RBFOX1: variants seen among roughly 807,000 people sequenced by gnomAD.
RBFOX1 encodes the protein RNA binding protein fox-1 homolog 1.
Under a neutral mutation model 57.7 loss-of-function variants are expected in RBFOX1, and 8 were observed. That is an observed-to-expected ratio of 0.14 (90% CI 0.08 to 0.25). The LOEUF (loss-of-function observed/expected upper bound fraction) is 0.25, where lower values mean the gene tolerates loss of function less well. Ranked by LOEUF, RBFOX1 falls within the 10% of genes least tolerant of loss-of-function variation. The pLI, the probability that RBFOX1 is intolerant of heterozygous loss-of-function variation, is 1.00. For synonymous variants in RBFOX1, 326 were observed against 222.4 expected, an observed-to-expected ratio of 1.47 and a Z score of -4.15; for missense variants, 611 against 548.5, an observed-to-expected ratio of 1.11 and a Z score of -1.14.
chr16:7,357,937 T>C (rs2097249952), intron 4 of RBFOX1, among the ~76,000 whole-genome samples: 1 of 152,192 alleles, frequency 6.6e-6, no homozygotes. Flanking sequence ...TGTTTTTTAC[T>C]TTTTACTGTC....
intron 1 of RBFOX1, among the ~76,000 whole-genome samples, chr16:6,142,486 G>A (rs60325114): frequency 0.034 from 5,139 of 152,052 alleles, 294 homozygotes; most frequent in African/African-American, 0.12. Flanking sequence ...CTCCCAAAGC[G>A]CTGGGATTAC....
intron 1 of RBFOX1, among the ~76,000 whole-genome samples, chr16:6,049,053 C>CTTTT (rs534794320): frequency 1.8e-5 from 2 of 112,850 alleles, no homozygotes; most frequent in African/African-American, 3.5e-5. Context: ...CTTCTAACAG[C>CTTTT]TTTTTTTTTT....
Position 5,302,487 on chromosome 16 carries a change from C to T in RBFOX1, c.219+62382C>T, listed in dbSNP as rs183708906. Among the ~76,000 whole-genome samples the T allele has an allele frequency of 3.8e-3, 580 of 152,140 alleles. 4 individuals carry two copies. The highest frequency in any genetic ancestry group is 0.013 in the African/African-American group (544 of 41,502). ...TTGTGTCATTCAAATTTAATATATG[C>T]CTACTAATTTTTTCTGGTTGCTTTA... is the stretch of plus-strand genomic sequence containing the variant. On this transcript the variant is annotated intron_variant, in intron 1 of 2. Coordinates refer to the RBFOX1 transcript ENST00000585867.
chr16:5,361,275 G>A (rs1036642011), intron 1 of RBFOX1, among the ~76,000 whole-genome samples: 7 of 152,198 alleles, frequency 4.6e-5, no homozygotes, highest in African/African-American at 1.7e-4. Flanking sequence ...GTAAACATGG[G>A]TATAGTTGCT....
chr16:5,770,288 T>G (rs2053934446), intron 3 of RBFOX1, among the ~76,000 whole-genome samples: 1 of 152,144 alleles, frequency 6.6e-6, no homozygotes, highest in Admixed American at 6.5e-5. Context: ...ACCAAGATGG[T>G]GATGAAAGTG....
At chr16:6,430,883 C>G (rs1336224421) in intron 2 of RBFOX1, among the ~76,000 whole-genome samples, 5 of 150,312 alleles carry the variant, frequency 3.3e-5, no homozygotes, top group Non-Finnish European at 7.4e-5. Context: ...GTCACCCCAG[C>G]ACTTTGGGAG....
chr16:5,963,561 C>G (rs2059791268), intron 4 of RBFOX1, among the ~76,000 whole-genome samples: 2 of 152,264 alleles, frequency 1.3e-5, no homozygotes, highest in South Asian at 4.1e-4. Flanking sequence ...TAAACAGACA[C>G]ATAGACCAGT....
rs180762059 is a variant in RBFOX1 at position 5,318,186 on chromosome 16, T to A, written c.219+78081T>A. Reference sequence around the variant, plus strand: ...CTGTGTCACCCAGGCTGGAGTGCAGTGACACGATCTCGGCTCACTGCAACC... The same window carrying A: ...CTGTGTCACCCAGGCTGGAGTGCAGAGACACGATCTCGGCTCACTGCAACC... On this transcript the variant is annotated intron_variant, in intron 1 of 2. Transcript: ENST00000585867. Among the ~76,000 whole-genome samples the A allele has an allele frequency of 1.3e-3, 195 of 152,304 alleles. 2 individuals are homozygous for A. The highest frequency in any genetic ancestry group is 2.7e-3 in the Admixed American group (41 of 15,300).
In RBFOX1 at chr16:7,185,022, T is replaced by C. The variant is rs564300105; in HGVS notation, c.27+132924T>C. 2.6e-5 allele frequency among the ~76,000 whole-genome samples: 4 copies of C among 152,262 alleles called. No individual in the cohort carries two copies. In the East Asian group the frequency reaches 7.7e-4, roughly 29 times the overall value. On this transcript the variant is annotated intron_variant, in intron 4 of 15. Coordinates refer to ENST00000550418, the MANE Select transcript of RBFOX1 (RefSeq NM_018723.4). Reference sequence around the variant, plus strand: ...TAGCCCCACTTTGCCAATAAGGAAATTGATCCTTAGATTAAATAACATACT... The same window carrying C: ...TAGCCCCACTTTGCCAATAAGGAAACTGATCCTTAGATTAAATAACATACT...
At chr16:5,973,619 A>T (rs952078875) in intron 4 of RBFOX1, among the ~76,000 whole-genome samples, 7 of 152,216 alleles carry the variant, frequency 4.6e-5, no homozygotes, top group Non-Finnish European at 8.8e-5. Context: ...GGGTGCCCAG[A>T]TATTTGGTCA....
At chr16:7,017,251 G>T (rs1397726997) in intron 3 of RBFOX1, among the ~76,000 whole-genome samples, 2 of 152,108 alleles carry the variant, frequency 1.3e-5, no homozygotes, top group South Asian at 4.2e-4. Flanking sequence ...GTGCAGCCTC[G>T]GCTGTGCTCT....
intron 8 of RBFOX1, 31 bp from the exon 9 acceptor site, chr16:7,597,340 A>G: frequency 6.5e-7 from 1 of 1,542,188 alleles, no homozygotes; most frequent in South Asian, 1.2e-5. Flanking sequence ...GCCCTAGAAT[A>G]TGTGCTTACT....
chr16:6,009,840 G>A (rs2094950914), intron 4 of RBFOX1, among the ~76,000 whole-genome samples: 1 of 151,972 alleles, frequency 6.6e-6, no homozygotes, highest in African/African-American at 2.4e-5. Context: ...GTGTGTATAG[G>A]GGGATTTGAA....
At chr16:7,241,876 A>G (rs1230789488) in intron 4 of RBFOX1, among the ~76,000 whole-genome samples, 2 of 152,118 alleles carry the variant, frequency 1.3e-5, no homozygotes, top group African/African-American at 4.8e-5. Context: ...ATGCATATAA[A>G]TATACTTATA....
intron 3 of RBFOX1, among the ~76,000 whole-genome samples, chr16:6,876,339 A>C (rs906077773): frequency 2.0e-5 from 3 of 152,296 alleles, no homozygotes; most frequent in South Asian, 4.1e-4. Context: ...CTTGTTGACT[A>C]TTCCACCATC....
chr16:5,724,846 A>G (rs1037250228), intron 3 of RBFOX1, among the ~76,000 whole-genome samples: 3 of 152,168 alleles, frequency 2.0e-5, no homozygotes, highest in Non-Finnish European at 4.4e-5. Flanking sequence ...GCCTTCCTGG[A>G]AAAATGAAAG....
rs561154488 is a variant in RBFOX1, at chr16:7,221,924, A to C, written c.27+169826A>C. 7.2e-5 allele frequency among the ~76,000 whole-genome samples: 11 copies of C among 152,342 alleles called. No individual in the cohort carries two copies. In the South Asian group the frequency reaches 2.3e-3, roughly 32 times the overall value. Reference sequence around the variant, plus strand: ...TCATGTCCAACCACAAAATGGGTAGAAAATGATGAAATGCAGAAGAGGCTT... The same window carrying C: ...TCATGTCCAACCACAAAATGGGTAGCAAATGATGAAATGCAGAAGAGGCTT... On this transcript the variant is annotated intron_variant, in intron 4 of 15. Coordinates refer to ENST00000550418, the MANE Select transcript of RBFOX1 (RefSeq NM_018723.4).
intron 3 of RBFOX1, among the ~76,000 whole-genome samples, chr16:6,863,972 C>A (rs1319260356): frequency 1.4e-5 from 2 of 146,226 alleles, no homozygotes; most frequent in Admixed American, 7.0e-5. Flanking sequence ...CTCACAACTT[C>A]TTCTGTCTTT....
intron 1 of RBFOX1, among the ~76,000 whole-genome samples, chr16:5,329,972 G>C (rs1365567261): frequency 9.5e-6 from 1 of 105,810 alleles, no homozygotes; most frequent in Non-Finnish European, 2.0e-5. Context: ...GACAGAGCGA[G>C]ACTCTGTCTC....
Sources: allele counts gnomAD v4.1 joint callset (sites outside exome capture counted in the v4.1 genomes callset), GRCh38; gene constraint gnomAD v4.1.1; transcripts MANE v1.5; gene names NCBI Gene and HGNC (gene_info 2026-07-23, HGNC 2026-07-21).